Variants in VAX1 observed in about 807,000 individuals in gnomAD.
VAX1 encodes ventral anterior homeobox 1.
Under a neutral mutation model 17.6 loss-of-function variants are expected in VAX1, and 6 were observed. The ratio of observed to expected loss-of-function variants is 0.34; its 90% CI spans 0.19 to 0.67. The LOEUF is 0.67. Among genes scored for constraint, VAX1 ranks in the 30% least tolerant of loss-of-function variants. The probability of loss-of-function intolerance (pLI) is 0.69; values close to 1 mark genes in which losing one functional copy is unlikely to be tolerated. For missense variants in VAX1, 408 were observed against 463.7 expected (o/e 0.88, Z 1.10); for synonymous variants, 256 against 227.4 (o/e 1.13, Z -1.13).
Position 117,134,993 on chromosome 10 carries a change from C to G in VAX1, c.430-410G>C, listed in dbSNP as rs1854153428. On this transcript the variant is annotated intron_variant, in intron 2 of 2. Coordinates refer to ENST00000369206, the MANE Select transcript of VAX1 (RefSeq NM_001112704.2). This position sits in a 1 kb window ranked among gnomAD's most constrained non-coding sequence, Gnocchi z 6.2. The stretch of plus-strand genomic sequence containing the variant: ...GAATTTCCGGTGGAGGGTGTGAGGC[C>G]CTAGGGTGCGGGTGCGGTGAAGGAA... 6.6e-6 allele frequency among the ~76,000 whole-genome samples: 1 copy of G among 152,084 alleles called. No homozygotes were observed. Among genetic ancestry groups the G allele is most frequent in the Non-Finnish European group, 1.5e-5 (1 of 68,008 alleles).
downstream of VAX1, among the ~76,000 whole-genome samples, chr10:117,133,035 C>T (rs997441704): frequency 1.8e-4 from 28 of 152,330 alleles, no homozygotes; most frequent in African/African-American, 6.7e-4. Context: ...CCGCCGGCAG[C>T]CGCTTTGCTC....
At position 117,134,139 on chromosome 10, in the gene VAX1, G is replaced by A. The variant is rs1456321270; in HGVS notation, c.874C>T (p.Pro292Ser). 3 of 1,534,066 alleles carry A rather than the reference G, an allele frequency of 2.0e-6. No individual in the cohort carries two copies. The highest frequency in any genetic ancestry group is 1.2e-5 in the South Asian group (1 of 81,682). ...GCTAGCGAACCAGCCATTGTTAACGGGGCGGAGGACAGGCGGCTGGCGACG... is the reference window on the plus strand; with the variant it reads ...GCTAGCGAACCAGCCATTGTTAACGAGGCGGAGGACAGGCGGCTGGCGACG... ...GSVASRLSSA[P>S]LTMAGSLAGN... Residue 292 changes from proline to serine, a missense_variant, in exon 3 of 3, where the codon CCG becomes TCG. Physicochemically the swap from Pro to Ser is moderately conservative, Grantham distance 74. Transcript: ENST00000369206. This position sits in a 1 kb window ranked among gnomAD's most constrained non-coding sequence, Gnocchi z 6.2.
chr10:117,137,763 C>G lies in VAX1; in HGVS notation c.241+53G>C. 6.2e-7 allele frequency: 1 copy of G among 1,606,492 alleles called. No homozygotes were observed. The highest frequency in any genetic ancestry group is 8.5e-7 in the Non-Finnish European group (1 of 1,179,504). ...CTGTGTCGGCGGCAGCGCGCAGCTCCGGCCCCGGAGTCGACCCCAAAGAAC... is the reference window on the plus strand; with the variant it reads ...CTGTGTCGGCGGCAGCGCGCAGCTCGGGCCCCGGAGTCGACCCCAAAGAAC... On this transcript the variant is annotated intron_variant, in intron 1 of 2. Transcript: ENST00000369206. The surrounding 1 kb of genome is among the most constrained non-coding windows in gnomAD (Gnocchi z 7.4).
Position 117,138,197 on chromosome 10 carries a change from G to A in VAX1, c.-141C>T. On this transcript the variant is annotated 5_prime_UTR_variant, in exon 1 of 3. Coordinates refer to ENST00000369206, the MANE Select transcript of VAX1 (RefSeq NM_001112704.2). ...GGCCCGTACGCCCGGCCCGGCGACA[G>A]GCAAGGGGCAAGAATGAATGTCCCC... 1.9e-6 allele frequency: 2 copies of A among 1,031,482 alleles called. No individual in the cohort carries two copies. The highest frequency in any genetic ancestry group is 2.8e-6 in the Non-Finnish European group (2 of 715,622). 63.9% of individuals were successfully genotyped at this position (1,031,482 alleles called of 1,614,324 possible).
rs975349727 is a variant in VAX1, at chr10:117,137,481, C to T, written c.241+335G>A. 6.6e-6 allele frequency among the ~76,000 whole-genome samples: 1 copy of T among 152,228 alleles called. No individual in the cohort carries two copies. Among genetic ancestry groups the T allele is most frequent in the Non-Finnish European group, 1.5e-5 (1 of 68,030 alleles). ...GCCGGCTCCCGGCAGGTCGTCCGGC[C>T]CTTGGAGCGCGCACACCTCCTCCCG... On this transcript the variant is annotated intron_variant, in intron 1 of 2. Coordinates refer to ENST00000369206, the MANE Select transcript of VAX1 (RefSeq NM_001112704.2). This position sits in a 1 kb window ranked among gnomAD's most constrained non-coding sequence, Gnocchi z 7.4.
rs569496313 is a variant in VAX1 at position 117,133,634 on chromosome 10, A to G, written c.*374T>C. 4.2e-4 allele frequency: 418 copies of G among 997,570 alleles called. 2 individuals carry two copies. The African/African-American group carries it at 6.6e-3, about 16-fold the overall frequency. The allele number at this position is 997,570 out of a possible 1,614,324, so 61.8% of individuals were successfully genotyped here. ...CCTAGGAATAGTCGGCAGCGGCAGC[A>G]GCCGCAGCAGCCGCGGATCTAGAGC... On this transcript the variant is annotated 3_prime_UTR_variant, in exon 3 of 3. Transcript: ENST00000369206.
In VAX1 at chr10:117,134,599, C is replaced by T. The variant is rs1030512820; in HGVS notation, c.430-16G>A. On this transcript the variant is annotated splice_polypyrimidine_tract_variant and intron_variant, in intron 2 of 2. Coordinates refer to ENST00000369206, the MANE Select transcript of VAX1 (RefSeq NM_001112704.2). The surrounding 1 kb of genome is among the most constrained non-coding windows in gnomAD (Gnocchi z 6.2). The stretch of plus-strand genomic sequence containing the variant: ...AGACCTTCACCTGCGCGCCGGGGTG[C>T]GGGGAGAGTTGGAGAGAGGGGCAGG... 1.9e-5 allele frequency: 28 copies of T among 1,511,220 alleles called. No individual in the cohort carries two copies. Among genetic ancestry groups the T allele is most frequent in the Non-Finnish European group, 2.4e-5 (27 of 1,131,692 alleles). 93.6% of individuals were successfully genotyped at this position (1,511,220 alleles called of 1,614,324 possible).
rs1340381805 is a variant in VAX1, at chr10:117,136,332, GTCTTACCCATCCT to G, written c.429+127_429+139del. ...TCTAGGGGAAGGAATCCTTAGGCCTGTCTTACCCATCCTTCCCATCTCCTCCACCTCCCAAGGG... is the reference window on the plus strand; with the variant it reads ...TCTAGGGGAAGGAATCCTTAGGCCTGTCCCATCTCCTCCACCTCCCAAGGG... On this transcript the variant is annotated intron_variant, in intron 2 of 2. Coordinates refer to ENST00000369206, the MANE Select transcript of VAX1 (RefSeq NM_001112704.2). This position sits in a 1 kb window ranked among gnomAD's most constrained non-coding sequence, Gnocchi z 5.0. 2 of 1,006,572 alleles carry G rather than the reference GTCTTACCCATCCT, an allele frequency of 2.0e-6. No individual in the cohort carries two copies. The highest frequency in any genetic ancestry group is 3.3e-5 in the African/African-American group (2 of 61,366). 62.4% of individuals were successfully genotyped at this position (1,006,572 alleles called of 1,614,324 possible).
At chr10:117,132,661 G>A (rs1367912315), downstream of VAX1, among the ~76,000 whole-genome samples, 1 of 152,220 alleles carries the variant, frequency 6.6e-6, no homozygotes, top group African/African-American at 2.4e-5. The surrounding 1 kb of genome is among the most constrained non-coding windows in gnomAD (Gnocchi z 4.9). Flanking sequence ...CGTGGCTGTA[G>A]GGACGATCGC....
Position 117,134,658 on chromosome 10 carries a change from G to T in VAX1, c.430-75C>A. On this transcript the variant is annotated intron_variant, in intron 2 of 2. Coordinates refer to ENST00000369206, the MANE Select transcript of VAX1 (RefSeq NM_001112704.2). The surrounding 1 kb of genome is among the most constrained non-coding windows in gnomAD (Gnocchi z 6.2). Reference sequence around the variant, plus strand: ...GCGTCAAAGGAAGCGAGCTCCCGGGGCGCGCGGCTCCGGGGCTCTCCCCAA... The same window carrying T: ...GCGTCAAAGGAAGCGAGCTCCCGGGTCGCGCGGCTCCGGGGCTCTCCCCAA... 1 of 1,389,614 alleles carries T rather than the reference G, an allele frequency of 7.2e-7. No homozygotes were observed. The highest frequency in any genetic ancestry group is 9.4e-7 in the Non-Finnish European group (1 of 1,060,042). The allele number at this position is 1,389,614 out of a possible 1,614,324, so 86.1% of individuals were successfully genotyped here.
At chr10:117,135,587 C>A (rs1365227385) in intron 2 of VAX1, among the ~76,000 whole-genome samples, 1 of 152,214 alleles carries the variant, frequency 6.6e-6, no homozygotes, top group Admixed American at 6.5e-5. Flanking sequence ...AGCTTTCAGC[C>A]CAGATCCCGG....
chr10:117,135,887 T>C (rs975422158), intron 2 of VAX1, among the ~76,000 whole-genome samples: 3 of 152,236 alleles, frequency 2.0e-5, no homozygotes, highest in Admixed American at 2.0e-4. Flanking sequence ...TCCTAGGTGC[T>C]CAGGGCTGGG....
rs1336734096 is a variant in VAX1, at chr10:117,134,416, A to AGGC, written c.594_596dup (p.Pro199dup). On this transcript the variant is annotated inframe_insertion, in exon 3 of 3. Coordinates refer to ENST00000369206, the MANE Select transcript of VAX1 (RefSeq NM_001112704.2). The surrounding 1 kb of genome is among the most constrained non-coding windows in gnomAD (Gnocchi z 6.2). Reference sequence around the variant, plus strand: ...CTGAGCCGAGAGCGCCCGTGGCGCAAGGCGGCAGCAGCGCAGGCAGGCCGG... The same window carrying AGGC: ...CTGAGCCGAGAGCGCCCGTGGCGCAAGGCGGCGGCAGCAGCGCAGGCAGGCCGG... The AGGC allele has an allele frequency of 6.7e-7, 1 of 1,492,736 alleles. No individual in the cohort carries two copies. Among genetic ancestry groups the AGGC allele is most frequent in the Non-Finnish European group, 8.9e-7 (1 of 1,128,094 alleles). The allele number at this position is 1,492,736 out of a possible 1,614,324, so 92.5% of individuals were successfully genotyped here.
Position 117,134,839 on chromosome 10 carries a change from G to A in VAX1, c.430-256C>T, listed in dbSNP as rs544119749. Among the ~76,000 whole-genome samples the A allele has an allele frequency of 2.0e-5, 3 of 152,262 alleles. No homozygotes were observed. The highest frequency in any genetic ancestry group is 3.9e-4 in the East Asian group (2 of 5,106). Reference sequence around the variant, plus strand: ...GGCCCAGGCAGGCGCCGCTTACACAGAACAAAGTAATAAAATGCCCACGGC... The same window carrying A: ...GGCCCAGGCAGGCGCCGCTTACACAAAACAAAGTAATAAAATGCCCACGGC... On this transcript the variant is annotated intron_variant, in intron 2 of 2. Transcript: ENST00000369206. This position sits in a 1 kb window ranked among gnomAD's most constrained non-coding sequence, Gnocchi z 6.2.
rs1438571486 is a variant in VAX1, at chr10:117,133,557, A to T, written c.*451T>A. 1.0e-6 allele frequency: 1 copy of T among 985,764 alleles called. No individual in the cohort carries two copies. Among genetic ancestry groups the T allele is most frequent in the East Asian group, 1.1e-4 (1 of 8,824 alleles). 61.1% of individuals were successfully genotyped at this position (985,764 alleles called of 1,614,324 possible). On this transcript the variant is annotated 3_prime_UTR_variant, in exon 3 of 3. Transcript: ENST00000369206. ...GGAACGTCCTCCTTTTTTGGTCTAAAGAAACCTGGAAGCCCCTGGGGTCTG... is the reference window on the plus strand; with the variant it reads ...GGAACGTCCTCCTTTTTTGGTCTAATGAAACCTGGAAGCCCCTGGGGTCTG...
chr10:117,137,369 GGCCGTAGCCC>G lies in VAX1; in HGVS notation c.241+437_241+446del, dbSNP rs1348998743. The stretch of plus-strand genomic sequence containing the variant: ...CTCGGCCCAGTGCACTAACTGGCAG[GGCCGTAGCCC>G]GCGATCGGCAGCTGTTCTCCGGGGC... On this transcript the variant is annotated intron_variant, in intron 1 of 2. Coordinates refer to ENST00000369206, the MANE Select transcript of VAX1 (RefSeq NM_001112704.2). This position sits in a 1 kb window ranked among gnomAD's most constrained non-coding sequence, Gnocchi z 7.4. 2.0e-4 allele frequency among the ~76,000 whole-genome samples: 30 copies of G among 152,154 alleles called. No individual in the cohort carries two copies. Among genetic ancestry groups the G allele is most frequent in the African/African-American group, 7.2e-4 (30 of 41,444 alleles).
chr10:117,132,402 C>T, downstream of VAX1: 2 of 1,611,408 alleles, frequency 1.2e-6, no homozygotes, highest in Non-Finnish European at 1.7e-6. This position sits in a 1 kb window ranked among gnomAD's most constrained non-coding sequence, Gnocchi z 4.9. Context: ...CCAAAACATT[C>T]AGAACAAAGT....
chr10:117,132,525 A>G, downstream of VAX1: 2 of 1,569,160 alleles, frequency 1.3e-6, no homozygotes, highest in Non-Finnish European at 1.7e-6. This position sits in a 1 kb window ranked among gnomAD's most constrained non-coding sequence, Gnocchi z 4.9. Flanking sequence ...TTCCGACGTA[A>G]ATAATTTACA....
rs34250461 is a variant in VAX1, at chr10:117,138,096, CAAA to C, written c.-43_-41del. 8.7e-3 allele frequency: 3,041 copies of C among 349,458 alleles called. 6 individuals are homozygous for C. The highest frequency in any genetic ancestry group is 0.026 in the South Asian group (721 of 27,228). The allele number at this position is 349,458 out of a possible 1,614,324, so 21.6% of individuals were successfully genotyped here. ...ACAAAAACAGAAAGGAAAAAAAAAG[CAAA>C]AAAAAAAAAAAGGGGGGGGGGCGGA... On this transcript the variant is annotated 5_prime_UTR_variant, in exon 1 of 3. Coordinates refer to ENST00000369206, the MANE Select transcript of VAX1 (RefSeq NM_001112704.2).
Sources: gnomAD v4.1 joint callset for allele counts (sites outside exome capture counted in the v4.1 genomes callset) on GRCh38, gnomAD v4.1.1 for gene constraint, Gnocchi (gnomAD v3.1) non-coding constraint, MANE v1.5 for transcripts, NCBI Gene and HGNC (gene_info 2026-07-23, HGNC 2026-07-21) for gene names.